Variants in VPS13B observed in about 807,000 individuals in gnomAD.
VPS13B encodes vacuolar protein sorting 13 homolog B.
Under a neutral mutation model 426.4 loss-of-function variants are expected in VPS13B, and 285 were observed. The observed-to-expected ratio is 0.67, with a 90% CI of 0.61 to 0.74. The LOEUF is 0.74. Among genes scored for constraint, VPS13B ranks in the 30% least tolerant of loss-of-function variants. The pLI is 0.00. For synonymous variants in VPS13B, 1,676 were observed against 1,676.4 expected (o/e 1.00, Z 0.01); for missense variants, 4,537 against 4,782.6 (o/e 0.95, Z 1.51).
At chr8:99,594,480 C>T (rs942802103) in intron 33 of VPS13B, among the ~76,000 whole-genome samples, 15 of 151,930 alleles carry the variant, frequency 9.9e-5, no homozygotes, top group African/African-American at 3.4e-4. Flanking sequence ...ATCTAGAGAT[C>T]GTTAATTTTC....
chr8:99,175,252 A>C (rs1342859135), intron 16 of VPS13B, among the ~76,000 whole-genome samples: 5 of 152,224 alleles, frequency 3.3e-5, no homozygotes, highest in African/African-American at 1.2e-4. Context: ...GTATTTTAAC[A>C]TGTACAGCTT....
intron 33 of VPS13B, among the ~76,000 whole-genome samples, chr8:99,586,430 A>G (rs529543480): frequency 6.6e-6 from 1 of 152,262 alleles, no homozygotes; most frequent in South Asian, 2.1e-4. Flanking sequence ...TCATTTATAG[A>G]AGAGGAAGAT....
chr8:99,699,499 T>C, intron 35 of VPS13B, 26 bp from the exon 36 acceptor site: 1 of 1,610,614 alleles, frequency 6.2e-7, no homozygotes. Context: ...GCTTCAATAA[T>C]TGTTTTCTCT....
intron 43 of VPS13B, among the ~76,000 whole-genome samples, chr8:99,794,252 T>A (rs1357594457): frequency 6.6e-6 from 1 of 152,168 alleles, no homozygotes; most frequent in Non-Finnish European, 1.5e-5. Context: ...TCTGGAGATA[T>A]AAATTTGGCC....
intron 39 of VPS13B, among the ~76,000 whole-genome samples, chr8:99,732,052 C>CTA (rs1238159196): frequency 1.3e-5 from 2 of 152,160 alleles, no homozygotes; most frequent in Non-Finnish European, 2.9e-5. Context: ...ATAGACCCCC[C>CTA]TATAAGCCAT....
chr8:99,686,950 C>A (rs1015498317), intron 35 of VPS13B, among the ~76,000 whole-genome samples: 1 of 152,040 alleles, frequency 6.6e-6, no homozygotes, highest in Non-Finnish European at 1.5e-5. Context: ...GCCATCACAG[C>A]TGGGAATGTG....
chr8:99,387,939 C>T (rs1814219749), intron 20 of VPS13B, among the ~76,000 whole-genome samples: 3 of 152,130 alleles, frequency 2.0e-5, no homozygotes, highest in South Asian at 2.1e-4. Flanking sequence ...GTAAGGAATA[C>T]TGTGTAAGCC....
At chr8:99,217,642 G>A (rs1350262538) in intron 17 of VPS13B, among the ~76,000 whole-genome samples, 4 of 152,098 alleles carry the variant, frequency 2.6e-5, no homozygotes, top group African/African-American at 9.7e-5. Context: ...AAATACAAAA[G>A]AGCCGTGCGT....
chr8:99,295,771 A>G lies in VPS13B; in HGVS notation c.2824+20517A>G, dbSNP rs569857896. Among the ~76,000 whole-genome samples the G allele has an allele frequency of 6.7e-4, 102 of 152,292 alleles. 2 individuals are homozygous for G. The South Asian group carries it at 0.019, about 29-fold the overall frequency. ...AGGCCAGGCGCAATGGCTCATCCCT[A>G]TAATCCCAGCACTTTGGAGGGGAGG... On this transcript the variant is annotated intron_variant, in intron 19 of 61. Transcript: ENST00000357162.
chr8:99,640,345 C>T (rs762322462), intron 33 of VPS13B, among the ~76,000 whole-genome samples: 5 of 152,024 alleles, frequency 3.3e-5, no homozygotes, highest in East Asian at 1.9e-4. Flanking sequence ...GGCATGATCT[C>T]GGTTCGCTGC....
intron 16 of VPS13B, among the ~76,000 whole-genome samples, chr8:99,180,899 G>A (rs1812912572): frequency 1.3e-5 from 2 of 152,100 alleles, no homozygotes; most frequent in Non-Finnish European, 2.9e-5. Context: ...CATCTTTTTT[G>A]TGTACTGTTA....
At chr8:99,233,678 C>T (rs940215179) in intron 17 of VPS13B, 1 of 820,004 alleles carries the variant, frequency 1.2e-6, no homozygotes, top group Non-Finnish European at 2.2e-6. Context: ...AGTGATGGTT[C>T]TTTCCGGGTT....
intron 17 of VPS13B, among the ~76,000 whole-genome samples, chr8:99,264,541 C>T (rs1175669918): frequency 1.3e-5 from 2 of 152,130 alleles, no homozygotes; most frequent in Non-Finnish European, 2.9e-5. Context: ...AATCTGAAAG[C>T]ATCACATTAT....
intron 22 of VPS13B, among the ~76,000 whole-genome samples, chr8:99,440,460 C>G (rs891963245): frequency 1.3e-5 from 2 of 151,962 alleles, no homozygotes; most frequent in Non-Finnish European, 2.9e-5. Context: ...ATTAAAACCA[C>G]AATTTTATAC....
At chr8:99,291,207 G>T (rs1819715925) in intron 19 of VPS13B, among the ~76,000 whole-genome samples, 1 of 152,080 alleles carries the variant, frequency 6.6e-6, no homozygotes, top group Non-Finnish European at 1.5e-5. Context: ...AAAGAGCACA[G>T]TAGGCAAGCA....
chr8:99,616,651 C>T (rs950548251), intron 33 of VPS13B, among the ~76,000 whole-genome samples: 5 of 152,146 alleles, frequency 3.3e-5, no homozygotes, highest in Non-Finnish European at 7.4e-5. Flanking sequence ...CATGGTGAAA[C>T]CCCGTCTCTA....
intron 19 of VPS13B, among the ~76,000 whole-genome samples, chr8:99,285,134 C>T (rs1279189902): frequency 1.3e-5 from 2 of 152,054 alleles, no homozygotes; most frequent in Admixed American, 1.3e-4. Flanking sequence ...ATTTGCAAAC[C>T]TATGATTATG....
At chr8:99,322,727 T>A (rs1319821661) in intron 19 of VPS13B, among the ~76,000 whole-genome samples, 3 of 152,216 alleles carry the variant, frequency 2.0e-5, no homozygotes, top group Non-Finnish European at 2.9e-5. Flanking sequence ...TTTCTTACCC[T>A]GTTCTGTTTT....
chr8:99,875,730 T>TCTCA lies in VPS13B; in HGVS notation c.*67_*70dup. ...GTTTTTGGGTTTCTTTGAGACAGGGTCTCACTGCATTGCCCTTGCTGACCT... is the reference window on the plus strand; with the variant it reads ...GTTTTTGGGTTTCTTTGAGACAGGGTCTCACTCACTGCATTGCCCTTGCTGACCT... On this transcript the variant is annotated 3_prime_UTR_variant, in exon 62 of 62. Coordinates refer to ENST00000357162, the MANE Select transcript of VPS13B (RefSeq NM_152564.5). 1 of 1,605,682 alleles carries TCTCA rather than the reference T, an allele frequency of 6.2e-7. No individual in the cohort carries two copies. Among genetic ancestry groups the TCTCA allele is most frequent in the Non-Finnish European group, 8.5e-7 (1 of 1,174,062 alleles).
Sources: allele counts gnomAD v4.1 joint callset (sites outside exome capture counted in the v4.1 genomes callset), GRCh38; gene constraint gnomAD v4.1.1; transcripts MANE v1.5; gene names NCBI Gene and HGNC (gene_info 2026-07-23, HGNC 2026-07-21).